FTSJ3: variants seen among roughly 807,000 people sequenced by gnomAD.
FTSJ3 encodes the protein FtsJ RNA 2'-O-methyltransferase 3, also known as pre-rRNA 2'-O-ribose RNA methyltransferase FTSJ3.
FTSJ3 carries 46 observed loss-of-function variants against 111.5 expected under a neutral mutation model. The ratio of observed to expected loss-of-function variants is 0.41; its 90% CI spans 0.33 to 0.53. FTSJ3 has a LOEUF of 0.53. Ranked by LOEUF, FTSJ3 falls within the 20% of genes least tolerant of loss-of-function variation. FTSJ3 has a pLI of 0.19. For missense variants in FTSJ3, 1,075 were observed against 1,063.8 expected (o/e 1.01, Z -0.15); for synonymous variants, 408 against 383.0 (o/e 1.07, Z -0.76).
In FTSJ3 at chr17:63,822,081, C is replaced by A; in HGVS notation, c.1378G>T (p.Val460Phe). The A allele has an allele frequency of 6.2e-7, 1 of 1,614,240 alleles. No homozygotes were observed. Residue 460 changes from valine (V) to phenylalanine (F), a missense_variant, in exon 14 of 21, where the codon GTT (valine) becomes TTT (phenylalanine). Physicochemically the swap from Val to Phe is conservative, Grantham distance 50 (BLOSUM62 -1). Coordinates refer to ENST00000427159, the MANE Select transcript of FTSJ3 (RefSeq NM_017647.4). ...LPRDDIYVSD[V>F]EDDGDDTSLD... ...GATGTGTCATCACCGTCGTCCTCAA[C>A]ATCTGACACATAGATATCATCCCTT...
chr17:63,827,438 C>G lies in FTSJ3; in HGVS notation c.-413G>C, dbSNP rs1320571668. On this transcript the variant is annotated 5_prime_UTR_variant, in exon 1 of 21. Transcript: ENST00000427159. ...TTCAGGTCCCAATCCTCCGCTTCCGCGCTTGCGCGCCAAGACGGCTCGGAT... is the reference window on the plus strand; with the variant it reads ...TTCAGGTCCCAATCCTCCGCTTCCGGGCTTGCGCGCCAAGACGGCTCGGAT... The G allele has an allele frequency of 1.9e-6, 3 of 1,551,682 alleles. No individual in the cohort carries two copies. Among genetic ancestry groups the G allele is most frequent in the Non-Finnish European group, 2.6e-6 (3 of 1,146,966 alleles).
chr17:63,826,981 CTTCCAGTTTCCCACTT>C, intron 1 of FTSJ3, 53 bp from the exon 2 acceptor site: 10 of 186,956 alleles, frequency 5.3e-5, no homozygotes, highest in Non-Finnish European at 7.1e-5. Context: ...CCAGATTCCA[CTTCCAGTTTCCCACTT>C]CCAGTTTCCC....
chr17:63,822,878 AGTAG>A (rs1338548674), intron 13 of FTSJ3, among the ~76,000 whole-genome samples: 4 of 152,324 alleles, frequency 2.6e-5, no homozygotes, highest in South Asian at 4.1e-4. Flanking sequence ...CAAAAACTCT[AGTAG>A]GTAGGTTCTA....
intron 5 of FTSJ3, 36 bp from the exon 6 acceptor site, chr17:63,825,671 AC>A (rs1395147849): frequency 2.6e-6 from 4 of 1,556,892 alleles, no homozygotes; most frequent in Non-Finnish European, 3.5e-6. Flanking sequence ...AAACAGAAAC[AC>A]TGGAATGGCC....
Position 63,820,000 on chromosome 17 carries a change from G to A in FTSJ3, c.2352-6C>T, listed in dbSNP as rs775655190. 1.9e-5 allele frequency: 30 copies of A among 1,613,738 alleles called. No homozygotes were observed. In the South Asian group the frequency reaches 2.7e-4, roughly 15 times the overall value. On this transcript the variant is annotated splice_polypyrimidine_tract_variant and splice_region_variant and intron_variant, in intron 20 of 20. Coordinates refer to ENST00000427159, the MANE Select transcript of FTSJ3 (RefSeq NM_017647.4). ...GCCCAGCCTTCTTGTAGAGACTACA[G>A]GGGGGAAGAGAAGAGGTTAGAGGCT...
Position 63,827,604 on chromosome 17 carries a change from G to T in FTSJ3, c.-579C>A. ...GTGGAGAGCGGGCCGGGGCAGGAGC[G>T]TCGGGTGGGTCGGAGGTGCCTGGAC... is the stretch of plus-strand genomic sequence containing the variant. On this transcript the variant is annotated 5_prime_UTR_variant, in exon 1 of 21. Coordinates refer to ENST00000427159, the MANE Select transcript of FTSJ3 (RefSeq NM_017647.4). 6.5e-7 allele frequency: 1 copy of T among 1,549,386 alleles called. No homozygotes were observed. The highest frequency in any genetic ancestry group is 8.7e-7 in the Non-Finnish European group (1 of 1,146,030).
Position 63,819,754 on chromosome 17 carries a change from A to G in FTSJ3, c.*48T>C. 2 of 1,542,596 alleles carry G rather than the reference A, an allele frequency of 1.3e-6. No individual in the cohort carries two copies. Among genetic ancestry groups the G allele is most frequent in the Non-Finnish European group, 1.8e-6 (2 of 1,135,536 alleles). On this transcript the variant is annotated 3_prime_UTR_variant, in exon 21 of 21. Coordinates refer to ENST00000427159, the MANE Select transcript of FTSJ3 (RefSeq NM_017647.4). ...AGGGGGCCAGACTGAGCCATGCCAC[A>G]CCCTTCCTCCTAGTCCCCATGCTCT...
chr17:63,824,788 TG>T (rs777811984), intron 9 of FTSJ3, 36 bp downstream of exon 9: 1 of 1,606,576 alleles, frequency 6.2e-7, no homozygotes. Context: ...GCCATGTTTC[TG>T]GGGCTACCTC....
chr17:63,824,863 C>T lies in FTSJ3; in HGVS notation c.778G>A (p.Ala260Thr). 6.2e-7 allele frequency: 1 copy of T among 1,602,900 alleles called. No homozygotes were observed. Among genetic ancestry groups the T allele is most frequent in the South Asian group, 1.1e-5 (1 of 89,088 alleles). The change falls in exon 9 of 21, where the codon GCT (alanine) becomes ACT (threonine). Residue 260 changes from alanine to threonine, a missense_variant. By Grantham distance (58) the Ala-to-Thr change is moderately conservative. Coordinates refer to ENST00000427159, the MANE Select transcript of FTSJ3 (RefSeq NM_017647.4). ...HRTSVTDFLRAANPVDFLSKA... is the reference protein window; with the variant it reads ...HRTSVTDFLRTANPVDFLSKA... Reference sequence around the variant, plus strand: ...GAGAGGAAGTCAACAGGGTTGGCAGCTCGGAGGAAGTCAGTGACTGAGGTA... The same window carrying T: ...GAGAGGAAGTCAACAGGGTTGGCAGTTCGGAGGAAGTCAGTGACTGAGGTA...
Position 63,821,027 on chromosome 17 carries a change from C to G in FTSJ3, c.1972+3G>C. On this transcript the variant is annotated splice_donor_region_variant and intron_variant, in intron 17 of 20. Transcript: ENST00000427159. ...CTCATTCCACTGCATACAGAGCTCT[C>G]ACCTGGGTCCTCAATAGGCACTATC... 1 of 1,614,018 alleles carries G rather than the reference C, an allele frequency of 6.2e-7. No homozygotes were observed. Among genetic ancestry groups the G allele is most frequent in the Non-Finnish European group, 8.5e-7 (1 of 1,179,856 alleles).
chr17:63,824,564 TC>T, intron 10 of FTSJ3, 72 bp downstream of exon 10: 3 of 1,436,670 alleles, frequency 2.1e-6, no homozygotes, highest in Non-Finnish European at 2.9e-6. Flanking sequence ...AATATCCTCT[TC>T]CCAGAGGTCC....
In FTSJ3 at chr17:63,826,848, C is replaced by A. The variant is rs1325025812; in HGVS notation, c.55G>T (p.Ala19Ser). The A allele has an allele frequency of 2.5e-6, 4 of 1,614,124 alleles. No individual in the cohort carries two copies. Among genetic ancestry groups the A allele is most frequent in the Non-Finnish European group, 3.4e-6 (4 of 1,180,004 alleles). The change falls in exon 2 of 21, where the codon GCG becomes TCG. Residue 19 changes from alanine to serine, a missense_variant. Ala to Ser is a moderately conservative substitution (Grantham distance 99, BLOSUM62 1). Around this residue, in one of 2 missense-constraint regions of FTSJ3, gnomAD observed 208 missense variants for 266.9 expected, o/e 0.78. Coordinates refer to ENST00000427159, the MANE Select transcript of FTSJ3 (RefSeq NM_017647.4). ...KSRRDKFYHL[A>S]KETGYRSRSA... Reference sequence around the variant, plus strand: ...AATCCGGACTCACCCGTCTCCTTCGCCAAGTGATAAAACTTGTCTCGTCGG... The same window carrying A: ...AATCCGGACTCACCCGTCTCCTTCGACAAGTGATAAAACTTGTCTCGTCGG...
chr17:63,823,964 G>C lies in FTSJ3; in HGVS notation c.1155-12C>G. 6.2e-7 allele frequency: 1 copy of C among 1,614,142 alleles called. No individual in the cohort carries two copies. Among genetic ancestry groups the C allele is most frequent in the Non-Finnish European group, 8.5e-7 (1 of 1,180,022 alleles). ...GCTTCTTTTTCTTCCTGAGGGGGTG[G>C]ATTGAGGGAGTAAAACCGGCCCAGC... is the stretch of plus-strand genomic sequence containing the variant. On this transcript the variant is annotated splice_polypyrimidine_tract_variant and intron_variant, in intron 12 of 20. Coordinates refer to ENST00000427159, the MANE Select transcript of FTSJ3 (RefSeq NM_017647.4).
At chr17:63,824,444 T>A (rs778200578) in intron 10 of FTSJ3, 33 bp from the exon 11 acceptor site, 5 of 1,607,394 alleles carry the variant, frequency 3.1e-6, no homozygotes, top group Non-Finnish European at 4.3e-6. Flanking sequence ...GATCTTGCCA[T>A]CTCCCTCTTT....
chr17:63,827,491 A>G lies in FTSJ3; in HGVS notation c.-466T>C. On this transcript the variant is annotated 5_prime_UTR_variant, in exon 1 of 21. Coordinates refer to ENST00000427159, the MANE Select transcript of FTSJ3 (RefSeq NM_017647.4). ...CGGCGGTCTCTGCTGAAGAGAGAAG[A>G]TGGCGCTTGACGGACCAGAGCAGGT... 4.5e-6 allele frequency: 7 copies of G among 1,551,754 alleles called. No individual in the cohort carries two copies. The highest frequency in any genetic ancestry group is 6.1e-6 in the Non-Finnish European group (7 of 1,147,012).
In FTSJ3 at chr17:63,826,591, T is replaced by TCCAG; in HGVS notation, c.145_148dup (p.Asp50AlafsTer51). On this transcript the variant is annotated frameshift_variant, in exon 3 of 21. Coordinates refer to ENST00000427159, the MANE Select transcript of FTSJ3 (RefSeq NM_017647.4). LOFTEE classifies it high-confidence loss of function. ...CCATCCCCCTGGCGCAGCACACAGG[T>TCCAG]CCAGCAAGGCTCGGGCTTTCTGCAG... The TCCAG allele has an allele frequency of 6.2e-7, 1 of 1,613,948 alleles. No individual in the cohort carries two copies. Among genetic ancestry groups the TCCAG allele is most frequent in the Non-Finnish European group, 8.5e-7 (1 of 1,179,928 alleles).
Position 63,821,440 on chromosome 17 carries a change from C to A in FTSJ3, c.1800G>T (p.Gly600=). ...CTTCAAGGCCAGTGGCAGCTTCTGT[C>A]CCCGAAGAAGCCTCTGTTCCCTTAG... ...EAPKGTEASS[G]TEAATGLEGE... The change falls in exon 16 of 21, where the codon GGG becomes GGT. Residue 600 remains glycine, a synonymous_variant. Coordinates refer to ENST00000427159, the MANE Select transcript of FTSJ3 (RefSeq NM_017647.4). 3 of 1,614,148 alleles carry A rather than the reference C, an allele frequency of 1.9e-6. No homozygotes were observed. In the African/African-American group the frequency reaches 4.0e-5, roughly 22 times the overall value.
Position 63,825,413 on chromosome 17 carries a change from G to A in FTSJ3, c.424C>T (p.Arg142Cys), listed in dbSNP as rs753477986. 14 of 1,614,050 alleles carry A rather than the reference G, an allele frequency of 8.7e-6. 1 individual carries two copies. The East Asian group carries it at 8.9e-5, about 10-fold the overall frequency. Residue 142 changes from arginine to cysteine, a missense_variant, in exon 7 of 21, where the codon CGT becomes TGT. Coordinates refer to ENST00000427159, the MANE Select transcript of FTSJ3 (RefSeq NM_017647.4). ...SQAHLTLMAL[R>C]LACDFLARGG... ...CGGGCCAAAAAGTCACAAGCCAAAC[G>A]TAGAGCCATCAGTGTCAAATGGGCT... is the stretch of plus-strand genomic sequence containing the variant.
At position 63,826,821 on chromosome 17, in the gene FTSJ3, C is replaced by T; in HGVS notation, c.67+15G>A. ...ATCGCTCGCTCGCTCGCAGACTGAGCGAATCCGGACTCACCCGTCTCCTTC... is the reference window on the plus strand; with the variant it reads ...ATCGCTCGCTCGCTCGCAGACTGAGTGAATCCGGACTCACCCGTCTCCTTC... On this transcript the variant is annotated intron_variant, in intron 2 of 20. Transcript: ENST00000427159. The T allele has an allele frequency of 6.2e-7, 1 of 1,613,392 alleles. No individual in the cohort carries two copies. The highest frequency in any genetic ancestry group is 8.5e-7 in the Non-Finnish European group (1 of 1,179,380).
Sources: allele counts gnomAD v4.1 joint callset (sites outside exome capture counted in the v4.1 genomes callset), GRCh38; gene constraint gnomAD v4.1.1; regional missense constraint gnomAD v4.1.1; transcripts MANE v1.5; gene names NCBI Gene and HGNC (gene_info 2026-07-23, HGNC 2026-07-21).